Variants in IRAK3 observed in about 807,000 individuals in gnomAD.
IRAK3 encodes interleukin-1 receptor-associated kinase 3.
Under a neutral mutation model 56.6 loss-of-function variants are expected in IRAK3, and 57 were observed. That is an observed-to-expected ratio of 1.01 (90% confidence interval 0.81 to 1.26). The LOEUF is 1.26. IRAK3 is among the 50% of genes most tolerant of loss of function. The probability of loss-of-function intolerance (pLI) is 0.00; values close to 1 mark genes in which losing one functional copy is unlikely to be tolerated. For missense variants in IRAK3, 703 were observed against 719.0 expected (o/e 0.98, Z 0.25); for synonymous variants, 258 against 255.7 (o/e 1.01, Z -0.09).
chr12:66,203,980 T>C, intron 2 of IRAK3, 87 bp downstream of exon 2: 2 of 1,159,726 alleles, frequency 1.7e-6, no homozygotes, highest in Non-Finnish European at 2.6e-6. Flanking sequence ...ATCCAAGACA[T>C]TGACTCATGC....
At chr12:66,224,159 A>G (rs1046379711) in intron 6 of IRAK3, among the ~76,000 whole-genome samples, 1 of 152,156 alleles carries the variant, frequency 6.6e-6, no homozygotes, top group Non-Finnish European at 1.5e-5. Flanking sequence ...AGTGCTTTAC[A>G]TGTGTTAATT....
chr12:66,225,691 G>A (rs556665429), intron 6 of IRAK3, among the ~76,000 whole-genome samples: 77 of 151,856 alleles, frequency 5.1e-4, no homozygotes, highest in African/African-American at 1.8e-3. Flanking sequence ...CATAGTGATG[G>A]CACACACAAT....
chr12:66,247,124 G>C (rs1010138923), intron 11 of IRAK3, among the ~76,000 whole-genome samples: 8 of 152,094 alleles, frequency 5.3e-5, no homozygotes, highest in African/African-American at 1.4e-4. Context: ...ACAAAAATTA[G>C]CTGGGCATGG....
intron 1 of IRAK3, among the ~76,000 whole-genome samples, chr12:66,203,403 A>G (rs1391975994): frequency 6.6e-6 from 1 of 152,210 alleles, no homozygotes; most frequent in Non-Finnish European, 1.5e-5. Context: ...AGGAGAAGGA[A>G]CAATTAAATA....
chr12:66,251,525 A>C lies in IRAK3; in HGVS notation c.*3354A>C, dbSNP rs547132538. 1 of 152,334 alleles carries C rather than the reference A, an allele frequency of 6.6e-6. No individual in the cohort carries two copies. The highest frequency in any genetic ancestry group is 2.1e-4 in the South Asian group (1 of 4,828). 9.4% of individuals were successfully genotyped at this position (152,334 alleles called of 1,614,324 possible). ...AGGCAGATCCTATTTACTAAGCTTCAGGCTTTTGTCCCATTTTATAATGCC... is the reference window on the plus strand; with the variant it reads ...AGGCAGATCCTATTTACTAAGCTTCCGGCTTTTGTCCCATTTTATAATGCC... On this transcript the variant is annotated 3_prime_UTR_variant, in exon 12 of 12. Transcript: ENST00000261233.
intron 3 of IRAK3, 135 bp downstream of exon 3, chr12:66,209,655 T>C: frequency 1.4e-6 from 1 of 697,782 alleles, no homozygotes; most frequent in South Asian, 1.5e-5. Flanking sequence ...CTTTGTTCTC[T>C]CATTATTCTC....
At chr12:66,196,727 G>A (rs1331933228) in intron 1 of IRAK3, 1 of 244,186 alleles carries the variant, frequency 4.1e-6, no homozygotes, top group East Asian at 1.8e-4. Flanking sequence ...TAACAGTCTG[G>A]TATGAAGAAT....
intron 6 of IRAK3, among the ~76,000 whole-genome samples, chr12:66,223,538 A>C (rs2052756253): frequency 6.6e-6 from 1 of 150,998 alleles, no homozygotes; most frequent in Admixed American, 6.6e-5. Flanking sequence ...GGGCGCCTGT[A>C]GTCCCAGCTA....
chr12:66,198,681 T>A (rs1039298343), intron 1 of IRAK3, among the ~76,000 whole-genome samples: 1 of 152,030 alleles, frequency 6.6e-6, no homozygotes, highest in African/African-American at 2.4e-5. Context: ...TTCATTACTA[T>A]GAATTTATAT....
chr12:66,245,130 A>C lies in IRAK3; in HGVS notation c.1182A>C (p.Arg394Ser). ...TCCTTAGAGAATTGATGGAGAAGAGAGGCCTGGATTCATGTCTCTCATTTC... is the reference window on the plus strand; with the variant it reads ...TCCTTAGAGAATTGATGGAGAAGAGCGGCCTGGATTCATGTCTCTCATTTC... ...RDLLRELMEK[R>S]GLDSCLSFLD... Residue 394 changes from arginine (R) to serine (S), a missense_variant, in exon 11 of 12, where the codon AGA becomes AGC. By Grantham distance (110) the Arg-to-Ser change is moderately radical. Coordinates refer to ENST00000261233, the MANE Select transcript of IRAK3 (RefSeq NM_007199.3). 6.2e-7 allele frequency: 1 copy of C among 1,614,154 alleles called. No individual in the cohort carries two copies. The highest frequency in any genetic ancestry group is 1.1e-5 in the South Asian group (1 of 91,080).
At chr12:66,197,281 G>A (rs1197118360) in intron 1 of IRAK3, 3 of 1,126,152 alleles carry the variant, frequency 2.7e-6, no homozygotes, top group Admixed American at 4.8e-5. Context: ...ACTTTTCTCT[G>A]TATTTTTATT....
chr12:66,192,634 T>C (rs2052410171), intron 1 of IRAK3, among the ~76,000 whole-genome samples: 2 of 152,330 alleles, frequency 1.3e-5, no homozygotes, highest in South Asian at 4.1e-4. Context: ...ATATAAATCA[T>C]TAATAATTAC....
At chr12:66,196,940 T>C in intron 1 of IRAK3, 1 of 1,535,576 alleles carries the variant, frequency 6.5e-7, no homozygotes, top group African/African-American at 1.4e-5. Flanking sequence ...TGGCATGTGG[T>C]TGTATGCAAA....
intron 8 of IRAK3, among the ~76,000 whole-genome samples, chr12:66,235,892 A>G (rs2052902700): frequency 6.6e-6 from 1 of 152,224 alleles, no homozygotes; most frequent in African/African-American, 2.4e-5. Context: ...TTAAAGAAGT[A>G]TGTTCTAGTC....
chr12:66,244,741 T>C, intron 9 of IRAK3, 57 bp downstream of exon 9: 1 of 1,474,520 alleles, frequency 6.8e-7, no homozygotes, highest in Non-Finnish European at 9.5e-7. Flanking sequence ...TGTTCTAGAT[T>C]CTAAGAATTT....
At chr12:66,197,145 C>G (rs537729859) in intron 1 of IRAK3, 16 of 1,265,080 alleles carry the variant, frequency 1.3e-5, no homozygotes, top group Non-Finnish European at 1.1e-5. Flanking sequence ...TCCAATACGA[C>G]TTTCAACAAA....
chr12:66,203,644 A>C, intron 1 of IRAK3, 67 bp from the exon 2 acceptor site: 1 of 1,346,500 alleles, frequency 7.4e-7, no homozygotes, highest in Middle Eastern at 1.9e-4. Flanking sequence ...AACATTAGGT[A>C]CACAAAAACA....
rs1243487159 is a variant in IRAK3 at position 66,254,120 on chromosome 12, C to T, written c.*5949C>T. On this transcript the variant is annotated 3_prime_UTR_variant, in exon 12 of 12. Coordinates refer to ENST00000261233, the MANE Select transcript of IRAK3 (RefSeq NM_007199.3). Reference sequence around the variant, plus strand: ...AAATTGGTAGAACCTTTCTAGAAGGCAATTTGGCAACATGTATGAAAACCT... The same window carrying T: ...AAATTGGTAGAACCTTTCTAGAAGGTAATTTGGCAACATGTATGAAAACCT... 1 of 152,078 alleles carries T rather than the reference C, an allele frequency of 6.6e-6. No homozygotes were observed. The highest frequency in any genetic ancestry group is 6.6e-5 in the Admixed American group (1 of 15,264). The allele number at this position is 152,078 out of a possible 1,614,324, so 9.4% of individuals were successfully genotyped here. A position where few individuals can be genotyped will look rare whatever the true frequency, so the allele number is the denominator to read the frequency against.
At chr12:66,237,487 T>A (rs1208498398) in intron 8 of IRAK3, among the ~76,000 whole-genome samples, 1 of 152,194 alleles carries the variant, frequency 6.6e-6, no homozygotes, top group Admixed American at 6.5e-5. Flanking sequence ...AAATCAATAG[T>A]CTCTTAGTCT....
Sources: allele counts gnomAD v4.1 joint callset (sites outside exome capture counted in the v4.1 genomes callset), GRCh38; gene constraint gnomAD v4.1.1; transcripts MANE v1.5; gene names NCBI Gene and HGNC (gene_info 2026-07-23, HGNC 2026-07-21).